The following RIMS4 variants were observed in gnomAD, a reference collection of about 807,000 sequenced individuals.
RIMS4 encodes regulating synaptic membrane exocytosis protein 4.
Under a neutral mutation model 29.0 loss-of-function variants are expected in RIMS4, and 9 were observed. That is an observed-to-expected ratio of 0.31 (90% CI 0.19 to 0.54). RIMS4 has a LOEUF of 0.54. Ranked by LOEUF, RIMS4 falls within the 20% of genes least tolerant of loss-of-function variation. The pLI, the probability that RIMS4 is intolerant of heterozygous loss-of-function variation, is 0.94. For missense variants in RIMS4, 193 were observed against 365.7 expected (o/e 0.53, Z 3.85); for synonymous variants, 130 against 152.9 (o/e 0.85, Z 1.10).
intron 1 of RIMS4, among the ~76,000 whole-genome samples, chr20:44,790,178 G>A (rs902398788): frequency 6.6e-6 from 1 of 152,266 alleles, no homozygotes; most frequent in Non-Finnish European, 1.5e-5. Context: ...CCTGGCTGCT[G>A]ACGAAAGGCA....
intron 1 of RIMS4, among the ~76,000 whole-genome samples, chr20:44,803,298 G>C (rs2066284586): frequency 6.6e-6 from 1 of 152,158 alleles, no homozygotes; most frequent in African/African-American, 2.4e-5. Flanking sequence ...CAGAGCTCTG[G>C]ATCCTTAATA....
chr20:44,777,924 A>C (rs1453041461), intron 1 of RIMS4, among the ~76,000 whole-genome samples: 9 of 152,198 alleles, frequency 5.9e-5, no homozygotes, highest in Admixed American at 5.9e-4. Context: ...GAAAGGCACC[A>C]AGGCCCCTGG....
chr20:44,785,798 C>T (rs1368346996), intron 1 of RIMS4, among the ~76,000 whole-genome samples: 1 of 147,006 alleles, frequency 6.8e-6, no homozygotes, highest in Non-Finnish European at 1.5e-5. Context: ...GCCTGAAATA[C>T]CCTGTGCTAA....
Position 44,760,258 on chromosome 20 carries a change from G to C in RIMS4, c.237-2074C>G, listed in dbSNP as rs187655065. Among the ~76,000 whole-genome samples, 354 of 152,292 alleles carry C rather than the reference G, an allele frequency of 2.3e-3. 2 individuals carry two copies. The highest frequency in any genetic ancestry group is 0.011 in the Admixed American group (167 of 15,300). On this transcript the variant is annotated intron_variant, in intron 2 of 5. Coordinates refer to ENST00000372851, the MANE Select transcript of RIMS4 (RefSeq NM_182970.4). ...ACAGAAAACTCCAGATAGGCTGGGG[G>C]GATCTGAAAGCAGAGGAGACTTGCA...
intron 1 of RIMS4, among the ~76,000 whole-genome samples, chr20:44,779,334 G>A (rs1041894673): frequency 3.9e-5 from 6 of 152,078 alleles, no homozygotes; most frequent in African/African-American, 7.2e-5. Flanking sequence ...AAAGTTCTAC[G>A]GAACCAGCAC....
At chr20:44,788,415 T>G (rs929809877) in intron 1 of RIMS4, among the ~76,000 whole-genome samples, 2 of 152,134 alleles carry the variant, frequency 1.3e-5, no homozygotes, top group Admixed American at 6.5e-5. Flanking sequence ...CTGCCAATTT[T>G]AGTTTTTCCA....
rs777783425 is a variant in RIMS4 at position 44,753,630 on chromosome 20, T to G, written c.*2504A>C. The G allele has an allele frequency of 2.6e-5, 4 of 152,634 alleles. No individual in the cohort carries two copies. Among genetic ancestry groups the G allele is most frequent in the African/African-American group, 4.8e-5 (2 of 41,390 alleles). 9.5% of individuals were successfully genotyped at this position (152,634 alleles called of 1,614,324 possible). A position where few individuals can be genotyped will look rare whatever the true frequency, so the allele number is the denominator to read the frequency against. On this transcript the variant is annotated 3_prime_UTR_variant, in exon 6 of 6. Coordinates refer to ENST00000372851, the MANE Select transcript of RIMS4 (RefSeq NM_182970.4). Reference sequence around the variant, plus strand: ...GGCAGTAGCGGGGACAGGATGGGCTTGAAGCTTCTCCGAAGCTAATGATGA... The same window carrying G: ...GGCAGTAGCGGGGACAGGATGGGCTGGAAGCTTCTCCGAAGCTAATGATGA...
At chr20:44,795,165 C>T (rs1353482896) in intron 1 of RIMS4, among the ~76,000 whole-genome samples, 53 of 152,248 alleles carry the variant, frequency 3.5e-4, no homozygotes, top group Admixed American at 3.3e-3. Context: ...TTATGTACCA[C>T]GCACTGTGCT....
Position 44,810,253 on chromosome 20 carries a change from G to C in RIMS4, c.19C>G (p.Arg7Gly). 6.6e-7 allele frequency: 1 copy of C among 1,512,042 alleles called. No homozygotes were observed. The highest frequency in any genetic ancestry group is 8.9e-7 in the Non-Finnish European group (1 of 1,119,366). 93.7% of individuals were successfully genotyped at this position (1,512,042 alleles called of 1,614,324 possible). MERSQS[R>G]LSLSASFEAL... is the part of the protein sequence containing the mutation. ...TCGAAGGAGGCGGACAGACTGAGGC[G>C]GCTCTGCGAGCGCTCCATGCCCGCG... Residue 7 changes from arginine to glycine, a missense_variant, in exon 1 of 6, where the codon CGC becomes GGC. Arg to Gly is a moderately radical substitution (Grantham distance 125). Coordinates refer to ENST00000372851, the MANE Select transcript of RIMS4 (RefSeq NM_182970.4).
rs903720867 is a variant in RIMS4 at position 44,810,508 on chromosome 20, G to T, written c.-237C>A. Among the ~76,000 whole-genome samples, 2 of 141,294 alleles carry T rather than the reference G, an allele frequency of 1.4e-5. No individual in the cohort carries two copies. Among genetic ancestry groups the T allele is most frequent in the African/African-American group, 2.6e-5 (1 of 39,028 alleles). 92.7% of individuals were successfully genotyped at this position (141,294 alleles called of 152,430 possible). A position where few individuals can be genotyped will look rare whatever the true frequency, so the allele number is the denominator to read the frequency against. On this transcript the variant is annotated 5_prime_UTR_variant, in exon 1 of 6. Transcript: ENST00000372851. ...CTGTGCTGCTGGCGGCGGCGGCGGC[G>T]GCGGCGGTGGCGGCGGCGGTGGCGG... is the stretch of plus-strand genomic sequence containing the variant.
Position 44,754,011 on chromosome 20 carries a change from C to T in RIMS4, c.*2123G>A, listed in dbSNP as rs1262960407. ...CTCTGCCCTGTTTTTGAAAAGCTAC[C>T]CCTGAACAACCACAGCGGTGATGGC... On this transcript the variant is annotated 3_prime_UTR_variant, in exon 6 of 6. Coordinates refer to ENST00000372851, the MANE Select transcript of RIMS4 (RefSeq NM_182970.4). 2 of 152,424 alleles carry T rather than the reference C, an allele frequency of 1.3e-5. No individual in the cohort carries two copies. Among genetic ancestry groups the T allele is most frequent in the East Asian group, 1.9e-4 (1 of 5,200 alleles). The allele number at this position is 152,424 out of a possible 1,614,324, so 9.4% of individuals were successfully genotyped here.
At chr20:44,773,324 A>G (rs1302953552) in intron 1 of RIMS4, among the ~76,000 whole-genome samples, 5 of 151,724 alleles carry the variant, frequency 3.3e-5, no homozygotes, top group African/African-American at 1.2e-4. Context: ...CCGACCCTCT[A>G]TCTCCACTGT....
At chr20:44,790,299 T>C (rs2066227386) in intron 1 of RIMS4, among the ~76,000 whole-genome samples, 2 of 152,158 alleles carry the variant, frequency 1.3e-5, no homozygotes, top group Admixed American at 6.5e-5. Context: ...GGACACACTG[T>C]TAAAAAACAT....
chr20:44,798,159 CT>C (rs2066262705), intron 1 of RIMS4, among the ~76,000 whole-genome samples: 1 of 152,218 alleles, frequency 6.6e-6, no homozygotes, highest in Admixed American at 6.5e-5. Flanking sequence ...GACTTCATGT[CT>C]GCAAGGTGCA....
intron 1 of RIMS4, among the ~76,000 whole-genome samples, chr20:44,804,413 G>A (rs1037209671): frequency 5.9e-5 from 9 of 152,160 alleles, no homozygotes; most frequent in African/African-American, 2.2e-4. Context: ...TGGAACTGAC[G>A]AGGAATGCAG....
intron 2 of RIMS4, among the ~76,000 whole-genome samples, chr20:44,764,190 T>C (rs58650380): frequency 0.023 from 235 of 10,022 alleles, 2 homozygotes; most frequent in South Asian, 0.029. Context: ...ATCCATCCAT[T>C]TATCCATCCA....
rs998933770 is a variant in RIMS4, at chr20:44,755,409, A to T, written c.*725T>A. ...TTTCTAGTCCGCCAGCGGTTCCTAAACTAGCTTGTTGCAATCCCATGGAGC... is the reference window on the plus strand; with the variant it reads ...TTTCTAGTCCGCCAGCGGTTCCTAATCTAGCTTGTTGCAATCCCATGGAGC... On this transcript the variant is annotated 3_prime_UTR_variant, in exon 6 of 6. Transcript: ENST00000372851. 1.3e-5 allele frequency: 2 copies of T among 152,628 alleles called. No individual in the cohort carries two copies. Among genetic ancestry groups the T allele is most frequent in the Non-Finnish European group, 2.9e-5 (2 of 68,072 alleles). The allele number at this position is 152,628 out of a possible 1,614,324, so 9.5% of individuals were successfully genotyped here.
At chr20:44,774,489 G>T (rs934377217) in intron 1 of RIMS4, among the ~76,000 whole-genome samples, 3 of 152,074 alleles carry the variant, frequency 2.0e-5, no homozygotes, top group Admixed American at 2.0e-4. Context: ...GCCTCCCAGC[G>T]TGCATCTTCC....
intron 1 of RIMS4, among the ~76,000 whole-genome samples, chr20:44,792,409 C>T (rs2066236981): frequency 6.6e-6 from 1 of 151,992 alleles, no homozygotes; most frequent in African/African-American, 2.4e-5. Context: ...TCTCCTGCCT[C>T]AGCCTCCTGA....
Sources: allele counts gnomAD v4.1 joint callset (sites outside exome capture counted in the v4.1 genomes callset), GRCh38; gene constraint gnomAD v4.1.1; transcripts MANE v1.5; gene names NCBI Gene and HGNC (gene_info 2026-07-23, HGNC 2026-07-21).